The following ZNF493 variants were observed in gnomAD, a reference collection of about 807,000 sequenced individuals.
ZNF493 encodes zinc finger protein 493.
ZNF493 carries 11 observed loss-of-function variants against 12.2 expected under a neutral mutation model. The observed-to-expected ratio is 0.90, with a 90% CI of 0.57 to 1.50. ZNF493 has a LOEUF of 1.50. Among genes scored for constraint, ZNF493 ranks in the 40% most tolerant of loss-of-function variants. ZNF493 has a pLI of 0.00. For missense variants in ZNF493, 950 were observed against 906.6 expected (o/e 1.05, Z -0.61); for synonymous variants, 286 against 302.6 (o/e 0.95, Z 0.57).
At chr19:21,412,246 A>G (rs1050229077) in intron 3 of ZNF493, 12 of 152,206 alleles carry the variant, frequency 7.9e-5, no homozygotes, top group African/African-American at 2.7e-4. Context: ...AAATGGAGGG[A>G]TGGGCCAAAA....
chr19:21,408,413 GC>G (rs1172360171), intron 3 of ZNF493: 3 of 984,168 alleles, frequency 3.0e-6, no homozygotes, highest in Non-Finnish European at 3.6e-6. Flanking sequence ...ACAGACGTGA[GC>G]CACCACCCCC....
intron 1 of ZNF493, among the ~76,000 whole-genome samples, chr19:21,401,377 A>G (rs1277978740): frequency 6.6e-6 from 1 of 152,114 alleles, no homozygotes; most frequent in Non-Finnish European, 1.5e-5. Context: ...GGATATTTTC[A>G]TCAATGTTCA....
In ZNF493 at chr19:21,424,085, C is replaced by T; in HGVS notation, c.1426C>T (p.Leu476Phe). 6.2e-7 allele frequency: 1 copy of T among 1,612,434 alleles called. No homozygotes were observed. The highest frequency in any genetic ancestry group is 8.5e-7 in the Non-Finnish European group (1 of 1,179,152). Residue 476 changes from leucine to phenylalanine, a missense_variant, in exon 4 of 4, where the codon CTT (leucine) becomes TTT (phenylalanine). Coordinates refer to ENST00000392288, the MANE Select transcript of ZNF493 (RefSeq NM_001076678.3). Reference sequence around the variant, plus strand: ...CAAAGCTTTTAAACGATCTTCAACCCTTACTAAACATAGGATAATTCATAC... The same window carrying T: ...CAAAGCTTTTAAACGATCTTCAACCTTTACTAAACATAGGATAATTCATAC... Reference protein sequence around the residue: ...CGKAFKRSSTLTKHRIIHTEE... With the variant: ...CGKAFKRSSTFTKHRIIHTEE...
rs538412209 is a variant in ZNF493, at chr19:21,426,581, A to G, written c.*1597A>G. On this transcript the variant is annotated 3_prime_UTR_variant, in exon 4 of 4. Coordinates refer to ENST00000392288, the MANE Select transcript of ZNF493 (RefSeq NM_001076678.3). ...TTATTGTCCACATTTTGTACTACAG[A>G]AAAACTCTGAAGAGGTCACTCAAAC... is the stretch of plus-strand genomic sequence containing the variant. The G allele has an allele frequency of 6.0e-6, 1 of 167,022 alleles. No homozygotes were observed. Among genetic ancestry groups the G allele is most frequent in the East Asian group, 1.9e-4 (1 of 5,194 alleles). The allele number at this position is 167,022 out of a possible 1,614,324, so 10.3% of individuals were successfully genotyped here. A position where few individuals can be genotyped will look rare whatever the true frequency, so the allele number is the denominator to read the frequency against.
rs192500140 is a variant in ZNF493, at chr19:21,416,513, G to A, written c.254-6400G>A. 5.3e-5 allele frequency among the ~76,000 whole-genome samples: 8 copies of A among 152,298 alleles called. No homozygotes were observed. The East Asian group carries it at 1.4e-3, about 26-fold the overall frequency. On this transcript the variant is annotated intron_variant, in intron 3 of 3. Transcript: ENST00000392288. ...ATATTAAATTGAGTGGGTTGAATTG[G>A]TCACGCGGATGGCCAATGCTGTAGA...
In ZNF493 at chr19:21,397,237, G is replaced by T. The variant is rs771839555; in HGVS notation, c.-1G>T. 9.3e-6 allele frequency: 15 copies of T among 1,614,100 alleles called. No homozygotes were observed. In the East Asian group the frequency reaches 3.1e-4, roughly 34 times the overall value. On this transcript the variant is annotated 5_prime_UTR_variant, in exon 1 of 4. Transcript: ENST00000392288. ...AAGATACTGGGAAATCCATAGCTAA[G>T]ATGCCAGGACCCCCTGAAAGCCTAG... is the stretch of plus-strand genomic sequence containing the variant.
chr19:21,410,062 A>G (rs201228164), intron 3 of ZNF493, among the ~76,000 whole-genome samples: 146 of 6,910 alleles, frequency 0.021, no homozygotes, highest in Non-Finnish European at 0.068. Flanking sequence ...CATTGTGTGT[A>G]TATATATATA....
intron 1 of ZNF493, among the ~76,000 whole-genome samples, chr19:21,404,093 C>T (rs2030037193): frequency 6.6e-6 from 1 of 152,016 alleles, no homozygotes; most frequent in African/African-American, 2.4e-5. Context: ...TAATAAAATG[C>T]TTATTTAAAC....
chr19:21,413,082 T>G, intron 3 of ZNF493: 1 of 294,878 alleles, frequency 3.4e-6, no homozygotes, highest in Non-Finnish European at 6.5e-6. Flanking sequence ...AAACATCCCC[T>G]TAGGAGACCA....
chr19:21,417,750 G>A (rs1048552575), intron 3 of ZNF493, among the ~76,000 whole-genome samples: 3 of 152,128 alleles, frequency 2.0e-5, no homozygotes, highest in African/African-American at 7.2e-5. Flanking sequence ...ATGGGCCTGG[G>A]TATTGCGAGC....
chr19:21,408,358 G>A, intron 3 of ZNF493: 1 of 824,790 alleles, frequency 1.2e-6, no homozygotes, highest in Non-Finnish European at 1.5e-6. Context: ...TCGAACTCCT[G>A]ACCTCAGGTG....
intron 3 of ZNF493, among the ~76,000 whole-genome samples, chr19:21,410,436 CGT>C (rs1415974470): frequency 1.3e-5 from 2 of 151,250 alleles, no homozygotes; most frequent in Admixed American, 6.6e-5. Context: ...TTGTTATTTT[CGT>C]GTGTTTCTCT....
At chr19:21,413,544 G>A (rs772755115) in intron 3 of ZNF493, 22 of 402,608 alleles carry the variant, frequency 5.5e-5, no homozygotes, top group African/African-American at 3.3e-4. Context: ...TGCTTGTGAC[G>A]CTTGGGGTTG....
At chr19:21,397,966 C>T (rs192020696) in intron 1 of ZNF493, 8 of 152,222 alleles carry the variant, frequency 5.3e-5, no homozygotes, top group African/African-American at 1.9e-4. Flanking sequence ...AATAATGCAC[C>T]TGAGTTAGAT....
At chr19:21,407,212 G>A (rs2030159992) in intron 3 of ZNF493, among the ~76,000 whole-genome samples, 1 of 152,048 alleles carries the variant, frequency 6.6e-6, no homozygotes, top group East Asian at 1.9e-4. Context: ...AGTTGGGTGT[G>A]GCTGTGGGCA....
chr19:21,403,506 G>A (rs1482174715), intron 1 of ZNF493, among the ~76,000 whole-genome samples: 6 of 11,752 alleles, frequency 5.1e-4, no homozygotes, highest in Non-Finnish European at 1.7e-3. Flanking sequence ...GGCTTTTTCT[G>A]CAGTTCTTCT....
At position 21,421,953 on chromosome 19, in the gene ZNF493, C is replaced by A. The variant is rs147116914; in HGVS notation, c.254-960C>A. Among the ~76,000 whole-genome samples the A allele has an allele frequency of 1.9e-3, 290 of 152,266 alleles. 3 individuals carry two copies. The highest frequency in any genetic ancestry group is 8.7e-3 in the East Asian group (45 of 5,178). On this transcript the variant is annotated intron_variant, in intron 3 of 3. Coordinates refer to ENST00000392288, the MANE Select transcript of ZNF493 (RefSeq NM_001076678.3). The stretch of plus-strand genomic sequence containing the variant: ...CTCCGCCTCCCAGATTCAAGCAATT[C>A]TCCTGCCACAGCCTCCTGAATAGCT...
At chr19:21,411,535 C>G (rs1208053898) in intron 3 of ZNF493, among the ~76,000 whole-genome samples, 2 of 151,944 alleles carry the variant, frequency 1.3e-5, no homozygotes, top group Non-Finnish European at 2.9e-5. Context: ...GCCTGGGCAA[C>G]AAAGTGAAAC....
chr19:21,421,366 T>C (rs1426881111), intron 3 of ZNF493, among the ~76,000 whole-genome samples: 1 of 152,014 alleles, frequency 6.6e-6, no homozygotes, highest in Non-Finnish European at 1.5e-5. Flanking sequence ...CTCAAATTTT[T>C]ATTTTATTTT....
Sources: allele counts gnomAD v4.1 joint callset (sites outside exome capture counted in the v4.1 genomes callset), GRCh38; gene constraint gnomAD v4.1.1; transcripts MANE v1.5; gene names NCBI Gene and HGNC (gene_info 2026-07-23, HGNC 2026-07-21).